The following DOCK2 variants were observed in gnomAD, a reference collection of about 807,000 sequenced individuals.
DOCK2 encodes the protein dedicator of cytokinesis 2, also known as dedicator of cytokinesis protein 2.
DOCK2 carries 87 observed loss-of-function variants against 248.9 expected under a neutral mutation model. The observed-to-expected ratio is 0.35, with a 90% confidence interval of 0.29 to 0.42. The LOEUF is 0.42. Ranked by LOEUF, DOCK2 falls within the 10% of genes least tolerant of loss-of-function variation. The pLI, the probability that DOCK2 is intolerant of heterozygous loss-of-function variation, is 1.00. For synonymous variants in DOCK2, 805 were observed against 821.6 expected, an observed-to-expected ratio of 0.98 and a Z score of 0.35; for missense variants, 1,747 against 2,300.2, an observed-to-expected ratio of 0.76 and a Z score of 4.92.
intron 10 of DOCK2, among the ~76,000 whole-genome samples, chr5:169,697,864 A>C (rs1274804127): frequency 6.6e-6 from 1 of 152,128 alleles, no homozygotes; most frequent in Non-Finnish European, 1.5e-5. Context: ...TGATTTAAGG[A>C]AAGGTTTCAG....
intron 14 of DOCK2, among the ~76,000 whole-genome samples, chr5:169,704,765 G>A (rs1197528662): frequency 4.5e-4 from 11 of 24,668 alleles, no homozygotes; most frequent in Non-Finnish European, 7.4e-4. Context: ...ATATATGTGT[G>A]TGTGTGTGTG....
At chr5:169,696,386 G>C (rs1760627285) in intron 10 of DOCK2, among the ~76,000 whole-genome samples, 1 of 152,226 alleles carries the variant, frequency 6.6e-6, no homozygotes. Flanking sequence ...ACCTGAGGCA[G>C]AGCCCTGCAT....
intron 27 of DOCK2, among the ~76,000 whole-genome samples, chr5:169,957,715 CT>C (rs1454826649): frequency 6.6e-6 from 1 of 152,296 alleles, no homozygotes; most frequent in Non-Finnish European, 1.5e-5. Flanking sequence ...AGTACCCTGG[CT>C]TTGTGGGGTG....
At chr5:169,845,325 G>A (rs1770240735) in intron 27 of DOCK2, among the ~76,000 whole-genome samples, 1 of 151,952 alleles carries the variant, frequency 6.6e-6, no homozygotes, top group South Asian at 2.1e-4. Context: ...GAGGCCCTGT[G>A]CATACTTAGG....
At position 169,712,275 on chromosome 5, in the gene DOCK2, G is replaced by A. The variant is rs77856207; in HGVS notation, c.1659+52G>A. 3,438 of 1,555,720 alleles carry A rather than the reference G, an allele frequency of 2.2e-3. 72 individuals are homozygous for A. The African/African-American group carries it at 0.042, about 19-fold the overall frequency. The stretch of plus-strand genomic sequence containing the variant: ...ACTGAGGGGAGTGCAGGAAGAAAGG[G>A]GGTGATGGCAAAATTGCTTAGTGGT... On this transcript the variant is annotated intron_variant, in intron 17 of 51. Coordinates refer to ENST00000520908, the MANE Select transcript of DOCK2 (RefSeq NM_004946.3).
chr5:169,840,191 C>T (rs892165502), intron 26 of DOCK2, among the ~76,000 whole-genome samples: 18 of 152,132 alleles, frequency 1.2e-4, no homozygotes, highest in African/African-American at 3.9e-4. Flanking sequence ...CACGAGCAGG[C>T]GTCTTCACGT....
In DOCK2 at chr5:169,702,701, T is replaced by G. The variant is rs10046081; in HGVS notation, c.1383+274T>G. ...TGTATGTATGTATGTATGTATGTAT[T>G]TATTTATTTATTTACTTTTGCTTGG... On this transcript the variant is annotated intron_variant, in intron 14 of 51. Transcript: ENST00000520908. The G allele has an allele frequency of 0.02, 2,071 of 105,620 alleles. 114 individuals carry two copies. The highest frequency in any genetic ancestry group is 0.071 in the Middle Eastern group (23 of 322). The allele number at this position is 105,620 out of a possible 1,614,324, so 6.5% of individuals were successfully genotyped here.
chr5:169,894,212 G>T (rs1288891181), intron 27 of DOCK2, among the ~76,000 whole-genome samples: 2 of 152,186 alleles, frequency 1.3e-5, no homozygotes, highest in Non-Finnish European at 2.9e-5. Context: ...TGAGGGAACT[G>T]GTAGAGAGGT....
rs138447108 is a variant in DOCK2 at position 169,973,860 on chromosome 5, A to G, written c.2800-9208A>G. ...GCTAGCTTTATCCATATGTCCATAC[A>G]TCCATCTATTCATTCATTCATCTGT... On this transcript the variant is annotated intron_variant, in intron 27 of 51. Coordinates refer to ENST00000520908, the MANE Select transcript of DOCK2 (RefSeq NM_004946.3). Among the ~76,000 whole-genome samples the G allele has an allele frequency of 1.9e-3, 282 of 152,282 alleles. 1 individual carries two copies. Among genetic ancestry groups the G allele is most frequent in the African/African-American group, 6.6e-3 (275 of 41,548 alleles).
At chr5:169,939,734 A>G (rs1776156525) in intron 27 of DOCK2, among the ~76,000 whole-genome samples, 1 of 152,210 alleles carries the variant, frequency 6.6e-6, no homozygotes, top group African/African-American at 2.4e-5. Context: ...TTCATATAAA[A>G]TTAATATACT....
chr5:169,935,215 G>C (rs766076220), intron 27 of DOCK2, among the ~76,000 whole-genome samples: 4 of 150,182 alleles, frequency 2.7e-5, no homozygotes, highest in Admixed American at 6.6e-5. Context: ...TGCCGTTTCT[G>C]AGTAAATTTG....
At chr5:169,949,611 G>C (rs1009823583) in intron 27 of DOCK2, among the ~76,000 whole-genome samples, 1 of 148,930 alleles carries the variant, frequency 6.7e-6, no homozygotes, top group Non-Finnish European at 1.5e-5. Context: ...ATGTGAAATG[G>C]AATGCCATGA....
intron 30 of DOCK2, among the ~76,000 whole-genome samples, chr5:170,000,701 T>G (rs932531953): frequency 6.6e-6 from 1 of 152,170 alleles, no homozygotes; most frequent in African/African-American, 2.4e-5. Context: ...GGCAGCACTG[T>G]CTTTGGTATT....
chr5:169,900,904 A>G (rs1773885841), intron 27 of DOCK2, among the ~76,000 whole-genome samples: 1 of 152,210 alleles, frequency 6.6e-6, no homozygotes, highest in South Asian at 2.1e-4. Flanking sequence ...AGTTCACCAT[A>G]TATCTAGAAC....
intron 33 of DOCK2, among the ~76,000 whole-genome samples, 187 bp from the exon 34 acceptor site, chr5:170,027,676 C>T (rs1755967864): frequency 6.6e-6 from 1 of 152,160 alleles, no homozygotes; most frequent in Non-Finnish European, 1.5e-5. Flanking sequence ...CCATGGCTCC[C>T]CTTCACTCTC....
chr5:170,059,501 T>C (rs1417922646), intron 44 of DOCK2, among the ~76,000 whole-genome samples: 2 of 152,172 alleles, frequency 1.3e-5, no homozygotes, highest in Non-Finnish European at 2.9e-5. Flanking sequence ...ATCCCTGTAC[T>C]TCCCATTCCC....
At chr5:169,936,861 G>T (rs1341712767) in intron 27 of DOCK2, among the ~76,000 whole-genome samples, 2 of 152,132 alleles carry the variant, frequency 1.3e-5, no homozygotes, top group Non-Finnish European at 2.9e-5. Context: ...TCTTGTGATA[G>T]AATTATAACG....
chr5:169,926,515 A>G (rs1005629259), intron 27 of DOCK2, among the ~76,000 whole-genome samples: 14 of 152,166 alleles, frequency 9.2e-5, no homozygotes, highest in African/African-American at 2.7e-4. Flanking sequence ...TGTGAACATG[A>G]TGACTGAGAA....
chr5:169,656,642 A>T (rs1758137532), intron 2 of DOCK2, among the ~76,000 whole-genome samples: 1 of 152,182 alleles, frequency 6.6e-6, no homozygotes, highest in Non-Finnish European at 1.5e-5. Flanking sequence ...AGCCAAGCCC[A>T]CACTCTTTCC....
Sources: allele counts gnomAD v4.1 joint callset (sites outside exome capture counted in the v4.1 genomes callset), GRCh38; gene constraint gnomAD v4.1.1; transcripts MANE v1.5; gene names NCBI Gene and HGNC (gene_info 2026-07-23, HGNC 2026-07-21).